PTPRZ1: variants seen among roughly 807,000 people sequenced by gnomAD.
PTPRZ1 encodes the protein protein tyrosine phosphatase receptor type Z1.
PTPRZ1 carries 82 observed loss-of-function variants against 214.1 expected under a neutral mutation model. The ratio of observed to expected loss-of-function variants is 0.38; its 90% CI spans 0.32 to 0.46. PTPRZ1 has a LOEUF of 0.46. Among genes scored for constraint, PTPRZ1 ranks in the 20% least tolerant of loss-of-function variants. The pLI is 1.00. For missense variants in PTPRZ1, 2,603 were observed against 2,748.7 expected, an observed-to-expected ratio of 0.95 and a Z score of 1.19; for synonymous variants, 945 against 987.9, an observed-to-expected ratio of 0.96 and a Z score of 0.81.
At chr7:121,932,577 T>G (rs1795956388) in intron 2 of PTPRZ1, among the ~76,000 whole-genome samples, 1 of 152,162 alleles carries the variant, frequency 6.6e-6, no homozygotes, top group Non-Finnish European at 1.5e-5. Context: ...TTAGTGGCAA[T>G]CACGGAAGAA....
chr7:121,995,440 T>C (rs950710770), intron 8 of PTPRZ1, among the ~76,000 whole-genome samples: 4 of 152,230 alleles, frequency 2.6e-5, no homozygotes, highest in African/African-American at 9.6e-5. Flanking sequence ...TAGTAAAATA[T>C]CATAAAATGT....
At chr7:122,036,774 T>G (rs2150474810) in intron 18 of PTPRZ1, 92 bp downstream of exon 18, 1 of 764,010 alleles carries the variant, frequency 1.3e-6, no homozygotes, top group Non-Finnish European at 2.1e-6. Flanking sequence ...TACTAGTGCT[T>G]AATGTCATGT....
intron 6 of PTPRZ1, among the ~76,000 whole-genome samples, chr7:121,979,117 T>C (rs551303168): frequency 6.6e-6 from 1 of 152,244 alleles, no homozygotes; most frequent in East Asian, 1.9e-4. Flanking sequence ...ATAAGATCTA[T>C]CTTACTATGC....
At chr7:121,896,098 G>A (rs776972391) in intron 1 of PTPRZ1, among the ~76,000 whole-genome samples, 61 of 152,200 alleles carry the variant, frequency 4.0e-4, no homozygotes, top group Non-Finnish European at 7.5e-4. Context: ...ACCTTCATAA[G>A]GACATATGTA....
chr7:121,914,840 T>G (rs987526149), intron 1 of PTPRZ1, among the ~76,000 whole-genome samples: 5 of 152,152 alleles, frequency 3.3e-5, no homozygotes, highest in African/African-American at 1.2e-4. Flanking sequence ...ATGTGAGATG[T>G]GTAACTTTCA....
Position 122,011,751 on chromosome 7 carries a change from C to T in PTPRZ1, c.2705C>T (p.Thr902Met), listed in dbSNP as rs1307600967. ...AGTGAATCTGGTGTTCTTTATAAAA[C>T]GCTTATGTTTTCTCAAGTTGAACCA... ...FGSESGVLYK[T>M]LMFSQVEPPS... Residue 902 changes from threonine (T) to methionine (M), a missense_variant, in exon 12 of 30, where the codon ACG (threonine) becomes ATG (methionine). Physicochemically the swap from Thr to Met is moderately conservative, Grantham distance 81. This residue lies in a region of PTPRZ1 where 1,913 missense variants were observed against 1,914.3 expected (regional missense o/e 1.00). Coordinates refer to ENST00000393386, the MANE Select transcript of PTPRZ1 (RefSeq NM_002851.3). 8.1e-6 allele frequency: 13 copies of T among 1,614,098 alleles called. No homozygotes were observed. The highest frequency in any genetic ancestry group is 2.2e-5 in the East Asian group (1 of 44,858).
At chr7:121,942,614 C>A (rs973101834) in intron 2 of PTPRZ1, among the ~76,000 whole-genome samples, 1 of 152,114 alleles carries the variant, frequency 6.6e-6, no homozygotes, top group Non-Finnish European at 1.5e-5. Flanking sequence ...TGATTTAAAA[C>A]GTAAGTCTCA....
intron 13 of PTPRZ1, among the ~76,000 whole-genome samples, chr7:122,023,397 C>T (rs58253110): frequency 2.7e-5 from 4 of 149,216 alleles, no homozygotes; most frequent in Non-Finnish European, 5.9e-5. Flanking sequence ...GGTAGGTTCA[C>T]TAGATCATCT....
At chr7:122,016,228 T>C (rs1269446872) in intron 12 of PTPRZ1, among the ~76,000 whole-genome samples, 2 of 152,030 alleles carry the variant, frequency 1.3e-5, no homozygotes, top group Non-Finnish European at 2.9e-5. Context: ...AGGGGCCAAT[T>C]AAATAAATGT....
At chr7:122,039,621 G>A in intron 20 of PTPRZ1, 33 bp downstream of exon 20, 6 of 1,606,820 alleles carry the variant, frequency 3.7e-6, no homozygotes, top group Non-Finnish European at 5.1e-6. Flanking sequence ...ATAATCAAGT[G>A]AACAATGCAT....
At position 121,903,966 on chromosome 7, in the gene PTPRZ1, T is replaced by TCACACACAGACACA. The variant is rs755394033; in HGVS notation, c.59-24182_59-24181insGACACACACACACA. Among the ~76,000 whole-genome samples, 171 of 123,922 alleles carry TCACACACAGACACA rather than the reference T, an allele frequency of 1.4e-3. 1 individual carries two copies. The highest frequency in any genetic ancestry group is 4.6e-3 in the African/African-American group (151 of 32,888). 81.3% of individuals were successfully genotyped at this position (123,922 alleles called of 152,430 possible). A position where few individuals can be genotyped will look rare whatever the true frequency, so the allele number is the denominator to read the frequency against. On this transcript the variant is annotated intron_variant, in intron 1 of 29. Transcript: ENST00000393386. ...AGGATTCTGTTCCAGTCTTTAAATC[T>TCACACACAGACACA]CACACACACACACACACACACACAC... is the stretch of plus-strand genomic sequence containing the variant.
intron 23 of PTPRZ1, among the ~76,000 whole-genome samples, chr7:122,045,144 C>G (rs1458127453): frequency 6.6e-6 from 1 of 152,064 alleles, no homozygotes; most frequent in Admixed American, 6.6e-5. Flanking sequence ...AATCAGTAGG[C>G]AAAGAATTCA....
intron 14 of PTPRZ1, among the ~76,000 whole-genome samples, chr7:122,030,588 A>G (rs1418844127): frequency 6.6e-6 from 1 of 152,020 alleles, no homozygotes; most frequent in Non-Finnish European, 1.5e-5. Context: ...GAACAGATGG[A>G]TTCCAGTTTT....
At chr7:121,880,258 G>A (rs1319881294) in intron 1 of PTPRZ1, among the ~76,000 whole-genome samples, 3 of 152,162 alleles carry the variant, frequency 2.0e-5, no homozygotes, top group African/African-American at 7.2e-5. Flanking sequence ...GTCAATTTAT[G>A]TGCATGCTAA....
At chr7:121,995,299 A>T (rs1798099528) in intron 8 of PTPRZ1, among the ~76,000 whole-genome samples, 2 of 152,164 alleles carry the variant, frequency 1.3e-5, no homozygotes, top group Admixed American at 6.5e-5. Flanking sequence ...GCTCTCATTG[A>T]GTGGCTTTGT....
intron 1 of PTPRZ1, among the ~76,000 whole-genome samples, chr7:121,885,256 CTTGAGCCTTAA>C (rs1563000521): frequency 6.6e-6 from 1 of 152,206 alleles, no homozygotes; most frequent in Non-Finnish European, 1.5e-5. Context: ...TCTATCCCAA[CTTGAGCCTTAA>C]TTTTTGGTGG....
At chr7:122,037,760 G>A (rs981165073) in intron 18 of PTPRZ1, among the ~76,000 whole-genome samples, 10 of 152,124 alleles carry the variant, frequency 6.6e-5, no homozygotes, top group Non-Finnish European at 1.3e-4. Flanking sequence ...TCTGCCACTG[G>A]CTAGCTGTGG....
intron 1 of PTPRZ1, among the ~76,000 whole-genome samples, chr7:121,894,738 T>C (rs761105271): frequency 6.6e-6 from 1 of 152,160 alleles, no homozygotes; most frequent in Admixed American, 6.5e-5. Flanking sequence ...CAATCATTGC[T>C]CTTTTGCTTA....
At chr7:121,948,048 A>G (rs1373454232) in intron 2 of PTPRZ1, among the ~76,000 whole-genome samples, 1 of 152,148 alleles carries the variant, frequency 6.6e-6, no homozygotes, top group Non-Finnish European at 1.5e-5. Flanking sequence ...ATGTGAATTC[A>G]TTTACCTGCC....
Sources: gnomAD v4.1 joint callset for allele counts (sites outside exome capture counted in the v4.1 genomes callset) on GRCh38, gnomAD v4.1.1 for gene constraint, gnomAD v4.1.1 regional missense constraint, MANE v1.5 for transcripts, NCBI Gene and HGNC (gene_info 2026-07-23, HGNC 2026-07-21) for gene names.